The following NOS1AP variants were observed in gnomAD, a reference collection of about 807,000 sequenced individuals.
NOS1AP encodes carboxyl-terminal PDZ ligand of neuronal nitric oxide synthase protein.
NOS1AP carries 21 observed loss-of-function variants against 56.2 expected under a neutral mutation model. That is an observed-to-expected ratio of 0.37 (90% confidence interval 0.26 to 0.54). The LOEUF is 0.54. NOS1AP is among the 20% of genes least tolerant of loss of function. The pLI, the probability that NOS1AP is intolerant of heterozygous loss-of-function variation, is 0.84. For synonymous variants in NOS1AP, 270 were observed against 274.6 expected, an observed-to-expected ratio of 0.98 and a Z score of 0.17; for missense variants, 522 against 657.8, an observed-to-expected ratio of 0.79 and a Z score of 2.26.
At chr1:162,192,506 G>A (rs1169388524) in intron 2 of NOS1AP, among the ~76,000 whole-genome samples, 1 of 152,178 alleles carries the variant, frequency 6.6e-6, no homozygotes, top group East Asian at 1.9e-4. Context: ...AGTGGCACTT[G>A]TGTTAGAGGA....
intron 2 of NOS1AP, among the ~76,000 whole-genome samples, chr1:162,235,150 T>TC (rs1653246731): frequency 6.6e-6 from 1 of 152,038 alleles, no homozygotes; most frequent in Non-Finnish European, 1.5e-5. Context: ...CTTTTTTTTT[T>TC]AACTTGCCAA....
At chr1:162,155,548 G>A (rs931173453) in intron 2 of NOS1AP, among the ~76,000 whole-genome samples, 2 of 151,866 alleles carry the variant, frequency 1.3e-5, no homozygotes, top group Non-Finnish European at 2.9e-5. Flanking sequence ...GTTGGATGCC[G>A]TAGGCTCCGG....
At chr1:162,366,933 G>T in intron 9 of NOS1AP, 119 bp from the exon 10 acceptor site, 1 of 1,123,976 alleles carries the variant, frequency 8.9e-7, no homozygotes, top group Non-Finnish European at 1.4e-6. Flanking sequence ...GCCCGGAGAG[G>T]TGCTGCTAAG....
At chr1:162,106,762 T>C (rs1410898967) in intron 1 of NOS1AP, among the ~76,000 whole-genome samples, 2 of 152,068 alleles carry the variant, frequency 1.3e-5, no homozygotes, top group Admixed American at 1.3e-4. Flanking sequence ...TAGGGGGAAA[T>C]CGATACGTAC....
intron 2 of NOS1AP, among the ~76,000 whole-genome samples, chr1:162,240,701 C>T (rs1653464124): frequency 6.6e-6 from 1 of 152,222 alleles, no homozygotes. Context: ...GTATAAACAA[C>T]CCCAAGGGAA....
chr1:162,366,432 G>A (rs927553837), intron 9 of NOS1AP, among the ~76,000 whole-genome samples: 26 of 152,214 alleles, frequency 1.7e-4, no homozygotes, highest in African/African-American at 6.0e-4. Flanking sequence ...GCAAGGAGCA[G>A]AGCCAAGATT....
chr1:162,181,122 G>T (rs1378102285), intron 2 of NOS1AP, among the ~76,000 whole-genome samples: 1 of 152,188 alleles, frequency 6.6e-6, no homozygotes, highest in Admixed American at 6.5e-5. Flanking sequence ...AAGGATTGCT[G>T]GAGAACTGCT....
At chr1:162,110,175 C>T (rs185594121) in intron 1 of NOS1AP, among the ~76,000 whole-genome samples, 5 of 152,028 alleles carry the variant, frequency 3.3e-5, no homozygotes, top group Admixed American at 6.5e-5. Context: ...TTCTACATGT[C>T]GGTTCCCCTC....
chr1:162,280,870 A>C (rs560781588), intron 2 of NOS1AP, among the ~76,000 whole-genome samples: 2 of 152,318 alleles, frequency 1.3e-5, no homozygotes, highest in South Asian at 4.1e-4. Flanking sequence ...ATTCATTTCA[A>C]ACTTTGGTGT....
chr1:162,159,492 A>T (rs1256755053), intron 2 of NOS1AP, among the ~76,000 whole-genome samples: 2 of 152,174 alleles, frequency 1.3e-5, no homozygotes, highest in Non-Finnish European at 2.9e-5. Context: ...ATAAATGCAG[A>T]TAAATACCCT....
intron 2 of NOS1AP, among the ~76,000 whole-genome samples, chr1:162,158,249 C>G (rs1650051508): frequency 6.6e-6 from 1 of 152,036 alleles, no homozygotes; most frequent in Non-Finnish European, 1.5e-5. Flanking sequence ...AGTATTTGTC[C>G]TTTTTTTGAC....
At chr1:162,303,885 T>C (rs555891519) in intron 4 of NOS1AP, among the ~76,000 whole-genome samples, 24 of 151,630 alleles carry the variant, frequency 1.6e-4, no homozygotes, top group African/African-American at 5.8e-4. Context: ...TACAAACATT[T>C]TCTCCAAGTC....
chr1:162,210,237 G>A (rs1379178431), intron 2 of NOS1AP, among the ~76,000 whole-genome samples: 2 of 152,086 alleles, frequency 1.3e-5, no homozygotes, highest in Non-Finnish European at 2.9e-5. Context: ...GCTTAGAGAC[G>A]CATTGAGTGG....
At chr1:162,243,042 C>A (rs1261223122) in intron 2 of NOS1AP, among the ~76,000 whole-genome samples, 1 of 152,122 alleles carries the variant, frequency 6.6e-6, no homozygotes, top group African/African-American at 2.4e-5. Flanking sequence ...CCTGATTAAA[C>A]AAGGAGTTAT....
At chr1:162,072,059 CAGATAGATAGATAGAT>C (rs138572328) in intron 1 of NOS1AP, among the ~76,000 whole-genome samples, 47 of 141,704 alleles carry the variant, frequency 3.3e-4, no homozygotes, top group Middle Eastern at 3.5e-3. Flanking sequence ...GACCCTGTCT[CAGATAGATAGATAGAT>C]AGATAGATAG....
At chr1:162,287,554 T>G in intron 3 of NOS1AP, 118 bp downstream of exon 3, 2 of 775,404 alleles carry the variant, frequency 2.6e-6, no homozygotes, top group Non-Finnish European at 4.6e-6. Context: ...TGGCAAGCTC[T>G]TCTGCTTTGA....
chr1:162,140,320 A>G (rs1362360975), intron 1 of NOS1AP, among the ~76,000 whole-genome samples: 3 of 151,704 alleles, frequency 2.0e-5, no homozygotes, highest in South Asian at 2.1e-4. Flanking sequence ...ATATTATTAG[A>G]ATCAAGGGCA....
At chr1:162,098,011 C>G (rs1692286693) in intron 1 of NOS1AP, among the ~76,000 whole-genome samples, 1 of 150,982 alleles carries the variant, frequency 6.6e-6, no homozygotes, top group Admixed American at 6.6e-5. Flanking sequence ...GTCTTTTAGT[C>G]CATGAATATG....
In NOS1AP at chr1:162,149,622, C is replaced by T. The variant is rs143332879; in HGVS notation, c.106-4783C>T. ...TTTCTGACCCTTTGCTTCCCTGGCA[C>T]TGTAGTTCTGCTCTTGATTCATGTT... is the stretch of plus-strand genomic sequence containing the variant. On this transcript the variant is annotated intron_variant, in intron 1 of 9. Coordinates refer to ENST00000361897, the MANE Select transcript of NOS1AP (RefSeq NM_014697.3). Among the ~76,000 whole-genome samples, 38 of 152,340 alleles carry T rather than the reference C, an allele frequency of 2.5e-4. 3 individuals carry two copies. The highest frequency in any genetic ancestry group is 8.2e-4 in the African/African-American group (34 of 41,570).
Sources: gnomAD v4.1 joint callset for allele counts (sites outside exome capture counted in the v4.1 genomes callset) on GRCh38, gnomAD v4.1.1 for gene constraint, MANE v1.5 for transcripts, NCBI Gene and HGNC (gene_info 2026-07-23, HGNC 2026-07-21) for gene names.